Variants in USP28 observed in about 807,000 individuals in gnomAD.
USP28 encodes ubiquitin carboxyl-terminal hydrolase 28.
Under a neutral mutation model 145.0 loss-of-function variants are expected in USP28, and 113 were observed. The observed-to-expected ratio is 0.78, with a 90% CI of 0.67 to 0.91. USP28 has a LOEUF of 0.91. USP28 is among the 40% of genes least tolerant of loss of function. The probability of loss-of-function intolerance (pLI) is 0.00; values close to 1 mark genes in which losing one functional copy is unlikely to be tolerated. For synonymous variants in USP28, 447 were observed against 450.9 expected, an observed-to-expected ratio of 0.99 and a Z score of 0.11; for missense variants, 1,201 against 1,289.6, an observed-to-expected ratio of 0.93 and a Z score of 1.05.
At chr11:113,840,779 A>G (rs900812744) in intron 4 of USP28, 22 bp from the exon 5 acceptor site, 1 of 1,595,500 alleles carries the variant, frequency 6.3e-7, no homozygotes, top group Non-Finnish European at 8.5e-7. Context: ...AGCGTGCCAC[A>G]CAGCAAAAAA....
Position 113,810,493 on chromosome 11 carries a change from T to C in USP28, c.1973-1239A>G, listed in dbSNP as rs931080880. Among the ~76,000 whole-genome samples, 6 of 152,340 alleles carry C rather than the reference T, an allele frequency of 3.9e-5. No homozygotes were observed. The East Asian group carries it at 1.2e-3, about 29-fold the overall frequency. On this transcript the variant is annotated intron_variant, in intron 16 of 24. Coordinates refer to ENST00000003302, the Ensembl canonical transcript of USP28. ...CTATAATAGAAAAATAAACCATGCA[T>C]GCAATAACAAGGCTCCTATATATTA...
intron 23 of USP28, 109 bp downstream of exon 24, chr11:113,803,049 A>G: frequency 7.8e-7 from 1 of 1,276,936 alleles, no homozygotes; most frequent in Non-Finnish European, 1.0e-6. Context: ...TTGGGGGGAA[A>G]TCTACAACCT....
Position 113,807,940 on chromosome 11 carries a change from C to A in USP28, c.2304+358G>T. The A allele has an allele frequency of 9.3e-7, 1 of 1,080,276 alleles. No individual in the cohort carries two copies. The highest frequency in any genetic ancestry group is 1.1e-6 in the Non-Finnish European group (1 of 882,466). 66.9% of individuals were successfully genotyped at this position (1,080,276 alleles called of 1,614,324 possible). On this transcript the variant is annotated intron_variant, in intron 18 of 24. Coordinates refer to ENST00000003302, the Ensembl canonical transcript of USP28. ...ACAACAAACAACTATATCCTGCACT[C>A]ATCTCTGTACCTCCTCATCATATCC...
chr11:113,799,336 A>G, exon 25 of USP28: 6 of 1,614,214 alleles, frequency 3.7e-6, no homozygotes, highest in Non-Finnish European at 4.2e-6. Flanking sequence ...GAATAGTTGG[A>G]GGCTCTTTCA....
chr11:113,874,008 G>A (rs1472424211), intron 1 of USP28, among the ~76,000 whole-genome samples: 1 of 151,856 alleles, frequency 6.6e-6, no homozygotes, highest in African/African-American at 2.4e-5. Flanking sequence ...GGGCGTGGTG[G>A]CACGCGCCTG....
At chr11:113,830,890 A>G in exon 9 of USP28, 2 of 1,614,102 alleles carry the variant, frequency 1.2e-6, no homozygotes, top group Non-Finnish European at 1.7e-6. Flanking sequence ...TTCAGTCAGG[A>G]AAGTACCATA....
chr11:113,873,999 G>C (rs1446282375), intron 1 of USP28, among the ~76,000 whole-genome samples: 1 of 151,526 alleles, frequency 6.6e-6, no homozygotes, highest in Non-Finnish European at 1.5e-5. Flanking sequence ...AAATTAGCTG[G>C]GCGTGGTGGC....
At position 113,801,037 on chromosome 11, in the gene USP28, T is replaced by G. The variant is rs12283072; in HGVS notation, c.3058+446A>C. On this transcript the variant is annotated intron_variant, in intron 24 of 24. Coordinates refer to ENST00000003302, the Ensembl canonical transcript of USP28. ...TTTGTATTTTTAGTAGAGATGGGGT[T>G]TCGCCTTGTTGGCCAGACTTGGTCT... is the stretch of plus-strand genomic sequence containing the variant. Among the ~76,000 whole-genome samples the G allele has an allele frequency of 9.2e-3, 1,398 of 152,228 alleles. 19 individuals carry two copies. Among genetic ancestry groups the G allele is most frequent in the African/African-American group, 0.031 (1,275 of 41,536 alleles).
intron 13 of USP28, 54 bp downstream of exon 13, chr11:113,817,604 T>C: frequency 6.3e-7 from 1 of 1,581,782 alleles, no homozygotes; most frequent in Non-Finnish European, 8.6e-7. Flanking sequence ...GTGCATAGTT[T>C]AAATTATACC....
In USP28 at chr11:113,815,133, G is replaced by A. The variant is rs1941532808; in HGVS notation, c.1672+41C>T. ...TTAACCTCCAAATAGTCAAAAAACA[G>A]AAAAAGCAAAGAGTAACTGACAAAT... On this transcript the variant is annotated intron_variant, in intron 14 of 24. Transcript: ENST00000003302. 3.2e-6 allele frequency: 5 copies of A among 1,586,258 alleles called. No individual in the cohort carries two copies. In the East Asian group the frequency reaches 8.9e-5, roughly 28 times the overall value.
intron 11 of USP28, among the ~76,000 whole-genome samples, chr11:113,825,451 TATA>T (rs1170272440): frequency 6.6e-6 from 1 of 152,194 alleles, no homozygotes; most frequent in East Asian, 1.9e-4. Context: ...GGAAATTTCT[TATA>T]ATGTTAAATA....
intron 3 of USP28, among the ~76,000 whole-genome samples, chr11:113,848,479 G>C (rs568300031): frequency 6.6e-6 from 1 of 152,272 alleles, no homozygotes; most frequent in South Asian, 2.1e-4. Flanking sequence ...GTGGTGAAGG[G>C]GTCAGGGTGT....
intron 23 of USP28, among the ~76,000 whole-genome samples, chr11:113,801,879 T>C (rs1939094826): frequency 6.6e-6 from 1 of 152,232 alleles, no homozygotes. Flanking sequence ...TGGGATTTTA[T>C]GAAAGCTCCC....
At chr11:113,835,171 T>C in intron 5 of USP28, 1 of 423,264 alleles carries the variant, frequency 2.4e-6, no homozygotes. Context: ...GGATTCTTTT[T>C]ATTATTTGCA....
chr11:113,837,935 T>C (rs941480188), intron 5 of USP28, among the ~76,000 whole-genome samples: 3 of 152,136 alleles, frequency 2.0e-5, no homozygotes, highest in Non-Finnish European at 4.4e-5. Context: ...TTCACTCCCT[T>C]TAAAATCTGA....
chr11:113,832,027 A>T (rs760425468), intron 7 of USP28, 34 bp from the exon 8 acceptor site: 22 of 1,556,912 alleles, frequency 1.4e-5, no homozygotes, highest in Non-Finnish European at 1.9e-5. Context: ...TAAAAGTTAG[A>T]TGCAATACTA....
chr11:113,845,661 A>G (rs1368016622), intron 3 of USP28, among the ~76,000 whole-genome samples: 1 of 152,046 alleles, frequency 6.6e-6, no homozygotes, highest in Non-Finnish European at 1.5e-5. Flanking sequence ...TGTAGCCTCA[A>G]CCTCCAGGGC....
intron 1 of USP28, among the ~76,000 whole-genome samples, chr11:113,862,482 C>A (rs773059635): frequency 5.3e-5 from 8 of 152,060 alleles, no homozygotes; most frequent in Non-Finnish European, 1.2e-4. Flanking sequence ...GGAAGATATA[C>A]GAAGGAAGAA....
exon 14 of USP28, chr11:113,815,250 T>C (rs1269073075): frequency 6.2e-7 from 1 of 1,614,214 alleles, no homozygotes; most frequent in East Asian, 2.2e-5. Flanking sequence ...CATCTGTGAC[T>C]GTTCGTGGAG....
Sources: allele counts gnomAD v4.1 joint callset (sites outside exome capture counted in the v4.1 genomes callset), GRCh38; gene constraint gnomAD v4.1.1; transcripts MANE v1.5; gene names NCBI Gene and HGNC (gene_info 2026-07-23, HGNC 2026-07-21).